The following KBTBD8 variants were observed in gnomAD, a reference collection of about 807,000 sequenced individuals.
The protein encoded by KBTBD8 is kelch repeat and BTB domain containing 8.
In KBTBD8, 31 loss-of-function variants were observed where a neutral mutation model predicts 53.5. The observed-to-expected ratio is 0.58, with a 90% CI of 0.44 to 0.78. The LOEUF (loss-of-function observed/expected upper bound fraction) is 0.78. Ranked by LOEUF, KBTBD8 falls within the 30% of genes least tolerant of loss-of-function variation. KBTBD8 has a pLI of 0.00. For missense variants in KBTBD8, 642 were observed against 735.8 expected, an observed-to-expected ratio of 0.87 and a Z score of 1.48; for synonymous variants, 250 against 247.3, an observed-to-expected ratio of 1.01 and a Z score of -0.10.
intron 1 of KBTBD8, 55 bp downstream of exon 1, chr3:66,998,426 C>T (rs1224175066): frequency 1.2e-4 from 42 of 349,412 alleles, no homozygotes; most frequent in Non-Finnish European, 1.4e-4. Flanking sequence ...GAAGGTGGGC[C>T]GGGGCCGGCC....
rs370034484 is a variant in KBTBD8 at position 67,004,194 on chromosome 3, A to G, written c.1227A>G (p.Lys409=). Residue 409 remains lysine (K), a synonymous_variant, in exon 3 of 4, where the codon AAA becomes AAG. Coordinates refer to ENST00000417314, the MANE Select transcript of KBTBD8 (RefSeq NM_032505.3). Reference sequence around the variant, plus strand: ...AAGGTGATGGGAGAAACTCACTAAAATCTGTTGAGTGCTACGACAGTAGAG... The same window carrying G: ...AAGGTGATGGGAGAAACTCACTAAAGTCTGTTGAGTGCTACGACAGTAGAG... ...VYEGDGRNSL[K]SVECYDSREN... 6.2e-6 allele frequency: 10 copies of G among 1,614,074 alleles called. No homozygotes were observed. The African/African-American group carries it at 9.3e-5, about 15-fold the overall frequency.
rs1702090589 is a variant in KBTBD8, at chr3:67,008,584, G to A, written c.*199G>A. 2.0e-6 allele frequency: 1 copy of A among 503,184 alleles called. No homozygotes were observed. The highest frequency in any genetic ancestry group is 3.5e-6 in the Non-Finnish European group (1 of 285,614). 31.2% of individuals were successfully genotyped at this position (503,184 alleles called of 1,614,324 possible). A position where few individuals can be genotyped will look rare whatever the true frequency, so the allele number is the denominator to read the frequency against. On this transcript the variant is annotated 3_prime_UTR_variant, in exon 4 of 4. Coordinates refer to ENST00000417314, the MANE Select transcript of KBTBD8 (RefSeq NM_032505.3). ...ATTTCAGTAAGGAAAAGATAACAAA[G>A]TGCAATTATCAGCATTTTTTTTTCC... is the stretch of plus-strand genomic sequence containing the variant.
intron 3 of KBTBD8, among the ~76,000 whole-genome samples, chr3:67,007,319 G>GTTTTTTTT (rs35767804): frequency 7.4e-6 from 1 of 134,396 alleles, no homozygotes; most frequent in Non-Finnish European, 1.6e-5. Context: ...TCAAGTTTGT[G>GTTTTTTTT]TTTTTTTTTT....
At chr3:67,001,265 T>C (rs1702016080) in intron 2 of KBTBD8, among the ~76,000 whole-genome samples, 1 of 152,178 alleles carries the variant, frequency 6.6e-6, no homozygotes, top group South Asian at 2.1e-4. Context: ...ATGTAGAAAA[T>C]CGTACTTAAT....
chr3:66,998,705 G>A (rs754941924), intron 1 of KBTBD8, among the ~76,000 whole-genome samples: 2 of 152,150 alleles, frequency 1.3e-5, no homozygotes, highest in Non-Finnish European at 2.9e-5. Context: ...GCCTCTCCTG[G>A]GCTGCGAGCG....
rs1168991138 is a variant in KBTBD8, at chr3:67,010,168, GTTTTGT to G, written c.*1794_*1799del. 6.6e-6 allele frequency: 1 copy of G among 152,418 alleles called. No individual in the cohort carries two copies. Among genetic ancestry groups the G allele is most frequent in the Non-Finnish European group, 1.5e-5 (1 of 67,952 alleles). 9.4% of individuals were successfully genotyped at this position (152,418 alleles called of 1,614,324 possible). ...TTTTACCTCCCCAGTTTTATCTTCT[GTTTTGT>G]TTTTGTTTTTATCATCATGATGTTT... On this transcript the variant is annotated 3_prime_UTR_variant, in exon 4 of 4. Transcript: ENST00000417314.
rs183520158 is a variant in KBTBD8 at position 67,009,445 on chromosome 3, C to T, written c.*1060C>T. On this transcript the variant is annotated 3_prime_UTR_variant, in exon 4 of 4. Transcript: ENST00000417314. Reference sequence around the variant, plus strand: ...AGCATAATGTGAAGTTTTATACCTACTTTTAAAATTCTGCTTTCCAGAAAC... The same window carrying T: ...AGCATAATGTGAAGTTTTATACCTATTTTTAAAATTCTGCTTTCCAGAAAC... 1.3e-5 allele frequency: 2 copies of T among 152,690 alleles called. No individual in the cohort carries two copies. Among genetic ancestry groups the T allele is most frequent in the East Asian group, 3.9e-4 (2 of 5,182 alleles). 9.5% of individuals were successfully genotyped at this position (152,690 alleles called of 1,614,324 possible).
intron 3 of KBTBD8, among the ~76,000 whole-genome samples, 184 bp from the exon 4 acceptor site, chr3:67,007,738 C>G (rs1470950070): frequency 2.0e-5 from 3 of 152,000 alleles, no homozygotes; most frequent in Non-Finnish European, 4.4e-5. Flanking sequence ...CATGGAATGA[C>G]AAAGTTTTAA....
In KBTBD8 at chr3:67,004,142, T is replaced by C. The variant is rs755506693; in HGVS notation, c.1175T>C (p.Met392Thr). The C allele has an allele frequency of 1.2e-6, 2 of 1,614,196 alleles. No individual in the cohort carries two copies. The highest frequency in any genetic ancestry group is 1.7e-6 in the Non-Finnish European group (2 of 1,180,030). The change falls in exon 3 of 4, where the codon ATG becomes ACG. Residue 392 changes from methionine to threonine, a missense_variant. Met to Thr is a moderately conservative substitution (Grantham distance 81, BLOSUM62 -1). Transcript: ENST00000417314. ...AAACTTGTCTATTGCTGTGGTAAAA[T>C]GTATGCAATCGGAGGTCGTGTTTAT... is the stretch of plus-strand genomic sequence containing the variant. ...GCKLVYCCGK[M>T]YAIGGRVYEG...
At chr3:66,999,302 A>T in intron 2 of KBTBD8, 111 bp downstream of exon 2, 2 of 884,056 alleles carry the variant, frequency 2.3e-6, no homozygotes, top group Non-Finnish European at 3.7e-6. Flanking sequence ...GAAACCAATG[A>T]CTTTGTTTCT....
At chr3:67,007,793 G>T (rs960705115) in intron 3 of KBTBD8, 129 bp from the exon 4 acceptor site, 8 of 572,362 alleles carry the variant, frequency 1.4e-5, no homozygotes, top group South Asian at 1.1e-4. Flanking sequence ...GATTATAAAA[G>T]AAATGTTTTA....
intron 3 of KBTBD8, among the ~76,000 whole-genome samples, chr3:67,005,375 G>C (rs578232130): frequency 2.0e-5 from 3 of 152,118 alleles, no homozygotes; most frequent in Non-Finnish European, 4.4e-5. Context: ...TACTGTACTT[G>C]TTCCATGTTT....
At chr3:67,001,596 A>G (rs980356802) in intron 2 of KBTBD8, among the ~76,000 whole-genome samples, 1 of 152,204 alleles carries the variant, frequency 6.6e-6, no homozygotes, top group Non-Finnish European at 1.5e-5. Flanking sequence ...TCCCTAATGC[A>G]GGGCTTTATT....
rs1702095723 is a variant in KBTBD8 at position 67,009,152 on chromosome 3, C to A, written c.*767C>A. On this transcript the variant is annotated 3_prime_UTR_variant, in exon 4 of 4. Coordinates refer to ENST00000417314, the MANE Select transcript of KBTBD8 (RefSeq NM_032505.3). Reference sequence around the variant, plus strand: ...GTATAACTAGATGGATTTAAATGGTCTGAGCCTATGCCTATCTTTCAAATT... The same window carrying A: ...GTATAACTAGATGGATTTAAATGGTATGAGCCTATGCCTATCTTTCAAATT... 2 of 152,608 alleles carry A rather than the reference C, an allele frequency of 1.3e-5. No individual in the cohort carries two copies. Among genetic ancestry groups the A allele is most frequent in the African/African-American group, 4.8e-5 (2 of 41,448 alleles). 9.5% of individuals were successfully genotyped at this position (152,608 alleles called of 1,614,324 possible). A position where few individuals can be genotyped will look rare whatever the true frequency, so the allele number is the denominator to read the frequency against.
Position 66,999,100 on chromosome 3 carries a change from G to T in KBTBD8, c.136G>T (p.Gly46Ter). 2 of 1,614,130 alleles carry T rather than the reference G, an allele frequency of 1.2e-6. No individual in the cohort carries two copies. The highest frequency in any genetic ancestry group is 1.7e-6 in the Non-Finnish European group (2 of 1,179,996). The change falls in exon 2 of 4, where the codon GGA becomes TGA. Residue 46 changes from glycine (G) to a stop codon, truncating the protein, a stop_gained. Coordinates refer to ENST00000417314, the MANE Select transcript of KBTBD8 (RefSeq NM_032505.3). LOFTEE classifies it high-confidence loss of function. Reference protein sequence around the residue: ...LKQLKTMYDEGQLTDIVVEVD... With the variant: ...LKQLKTMYDE The stretch of plus-strand genomic sequence containing the variant: ...GCAACTCAAAACAATGTACGATGAA[G>T]GACAGTTGACAGACATTGTAGTGGA...
In KBTBD8 at chr3:67,008,609, C is replaced by T. The variant is rs1702090826; in HGVS notation, c.*224C>T. ...GTGCAATTATCAGCATTTTTTTTTC[C>T]TGGCATAAAATTAATCATTTCATTT... On this transcript the variant is annotated 3_prime_UTR_variant, in exon 4 of 4. Coordinates refer to ENST00000417314, the MANE Select transcript of KBTBD8 (RefSeq NM_032505.3). 2.1e-6 allele frequency: 1 copy of T among 484,682 alleles called. No homozygotes were observed. Among genetic ancestry groups the T allele is most frequent in the African/African-American group, 1.9e-5 (1 of 52,268 alleles). The allele number at this position is 484,682 out of a possible 1,614,324, so 30.0% of individuals were successfully genotyped here. A position where few individuals can be genotyped will look rare whatever the true frequency, so the allele number is the denominator to read the frequency against.
intron 3 of KBTBD8, among the ~76,000 whole-genome samples, chr3:67,005,143 G>A (rs1702054349): frequency 6.6e-6 from 1 of 152,008 alleles, no homozygotes; most frequent in Admixed American, 6.6e-5. Context: ...CTTTTATTTG[G>A]TTTCTTACAC....
chr3:67,004,029 T>G lies in KBTBD8; in HGVS notation c.1062T>G (p.His354Gln). 1 of 1,614,164 alleles carries G rather than the reference T, an allele frequency of 6.2e-7. No individual in the cohort carries two copies. The highest frequency in any genetic ancestry group is 8.5e-7 in the Non-Finnish European group (1 of 1,180,040). Reference sequence around the variant, plus strand: ...GCAGCAGTGAGGTCTCCATCGACCATAAGGCAGAAAATGATTTCTGGATGT... The same window carrying G: ...GCAGCAGTGAGGTCTCCATCGACCAGAAGGCAGAAAATGATTTCTGGATGT... ...RPSSSEVSID[H>Q]KAENDFWMYD... Residue 354 changes from histidine (H) to glutamine (Q), a missense_variant, in exon 3 of 4, where the codon CAT (histidine) becomes CAG (glutamine). Transcript: ENST00000417314.
chr3:67,003,010 TTA>T (rs1256470000), intron 2 of KBTBD8, among the ~76,000 whole-genome samples, 183 bp from the exon 3 acceptor site: 1 of 152,226 alleles, frequency 6.6e-6, no homozygotes, highest in East Asian at 1.9e-4. Flanking sequence ...GGTTTTGAGG[TTA>T]GCCAGACTAA....
Sources: gnomAD v4.1 joint callset for allele counts (sites outside exome capture counted in the v4.1 genomes callset) on GRCh38, gnomAD v4.1.1 for gene constraint, MANE v1.5 for transcripts, NCBI Gene and HGNC (gene_info 2026-07-23, HGNC 2026-07-21) for gene names.